Variants in SCUBE1 observed in about 807,000 individuals in gnomAD.
SCUBE1 encodes the protein signal peptide, CUB and EGF-like domain-containing protein 1.
A neutral mutation model predicts 124.4 loss-of-function variants in SCUBE1; 59 were observed. That is an observed-to-expected ratio of 0.47 (90% CI 0.38 to 0.59). The LOEUF is 0.59. SCUBE1 is among the 20% of genes least tolerant of loss of function. SCUBE1 has a pLI of 0.00. For synonymous variants in SCUBE1, 545 were observed against 550.9 expected, an observed-to-expected ratio of 0.99 and a Z score of 0.15; for missense variants, 1,150 against 1,371.2, an observed-to-expected ratio of 0.84 and a Z score of 2.55.
intron 2 of SCUBE1, among the ~76,000 whole-genome samples, chr22:43,337,411 T>G (rs1187634140): frequency 1.3e-5 from 2 of 152,208 alleles, no homozygotes; most frequent in African/African-American, 4.8e-5. Flanking sequence ...GCCCCGCCTT[T>G]CCGGGACACT....
At chr22:43,229,678 G>A (rs2146677380) in intron 8 of SCUBE1, among the ~76,000 whole-genome samples, 1 of 152,150 alleles carries the variant, frequency 6.6e-6, no homozygotes, top group South Asian at 2.1e-4. Context: ...AAACCACACA[G>A]GTAAAAAGAG....
intron 3 of SCUBE1, among the ~76,000 whole-genome samples, chr22:43,300,086 C>G (rs1925711723): frequency 6.6e-6 from 1 of 152,144 alleles, no homozygotes; most frequent in Admixed American, 6.5e-5. Flanking sequence ...CTGCTGAACA[C>G]TGTGTGTAAG....
At chr22:43,331,481 A>G (rs1926901207) in intron 2 of SCUBE1, among the ~76,000 whole-genome samples, 1 of 152,202 alleles carries the variant, frequency 6.6e-6, no homozygotes, top group South Asian at 2.1e-4. Context: ...AATTAAGTAC[A>G]CATAGAAGGG....
At chr22:43,233,181 G>C (rs1029246098) in intron 7 of SCUBE1, among the ~76,000 whole-genome samples, 1 of 152,138 alleles carries the variant, frequency 6.6e-6, no homozygotes, top group South Asian at 2.1e-4. Flanking sequence ...CCTGGCCAAC[G>C]CGGAGAAACC....
intron 10 of SCUBE1, among the ~76,000 whole-genome samples, chr22:43,223,559 T>C (rs1003532561): frequency 6.6e-6 from 1 of 152,140 alleles, no homozygotes; most frequent in African/African-American, 2.4e-5. Context: ...AAATGAACAC[T>C]GGCTTCCTGG....
chr22:43,257,260 CCT>C (rs963438012), intron 6 of SCUBE1, among the ~76,000 whole-genome samples: 1 of 152,148 alleles, frequency 6.6e-6, no homozygotes. Flanking sequence ...TGTCCTGTCC[CCT>C]GAGTCTCCCT....
intron 15 of SCUBE1, 38 bp from the exon 16 acceptor site, chr22:43,214,289 G>T (rs1332647800): frequency 1.9e-6 from 3 of 1,593,244 alleles, no homozygotes; most frequent in African/African-American, 2.7e-5. Context: ...GGAGGCAGAG[G>T]TGGGGAGGCC....
chr22:43,321,074 G>A (rs1926531927), intron 2 of SCUBE1, among the ~76,000 whole-genome samples: 1 of 152,220 alleles, frequency 6.6e-6, no homozygotes, highest in African/African-American at 2.4e-5. Context: ...AGAGAGGAGG[G>A]CCGGAAGTGT....
rs1491520197 is a variant in SCUBE1 at position 43,281,452 on chromosome 22, A to ACC, written c.484+9593_484+9594insGG. Among the ~76,000 whole-genome samples the ACC allele has an allele frequency of 7.9e-4, 37 of 46,940 alleles. 1 individual carries two copies. Among genetic ancestry groups the ACC allele is most frequent in the African/African-American group, 2.9e-3 (13 of 4,504 alleles). 30.8% of individuals were successfully genotyped at this position (46,940 alleles called of 152,430 possible). On this transcript the variant is annotated intron_variant, in intron 4 of 21. Transcript: ENST00000360835. ...CACCTCCCTTGGCCACCCTCCTGTC[A>ACC]TCTCCCTCAGCCACCCTCCTGTCAC...
At chr22:43,290,875 G>A (rs920730524) in intron 4 of SCUBE1, among the ~76,000 whole-genome samples, 171 bp downstream of exon 4, 4 of 152,212 alleles carry the variant, frequency 2.6e-5, no homozygotes, top group Non-Finnish European at 4.4e-5. Context: ...GAAGGAACTG[G>A]AAGGAGGCCC....
intron 3 of SCUBE1, among the ~76,000 whole-genome samples, chr22:43,299,807 C>A (rs1925699495): frequency 6.6e-6 from 1 of 152,192 alleles, no homozygotes; most frequent in Non-Finnish European, 1.5e-5. Context: ...CCCTTCGCCC[C>A]TGGAAACCAC....
chr22:43,288,823 G>T (rs1216927999), intron 4 of SCUBE1, among the ~76,000 whole-genome samples: 1 of 152,236 alleles, frequency 6.6e-6, no homozygotes, highest in East Asian at 1.9e-4. Flanking sequence ...GAGTGAGCTT[G>T]TCTTTGGGCA....
At chr22:43,225,640 G>C (rs567589293) in intron 10 of SCUBE1, among the ~76,000 whole-genome samples, 2 of 151,442 alleles carry the variant, frequency 1.3e-5, no homozygotes, top group South Asian at 4.2e-4. Flanking sequence ...GTGATCTGGT[G>C]ATCTGCCCAC....
chr22:43,243,918 C>T (rs144133046), intron 6 of SCUBE1, among the ~76,000 whole-genome samples: 4 of 152,328 alleles, frequency 2.6e-5, no homozygotes, highest in Non-Finnish European at 5.9e-5. Context: ...CAGGCAGTTG[C>T]TAATTCATTC....
At chr22:43,221,118 G>A (rs1332228104) in intron 13 of SCUBE1, 55 bp downstream of exon 13, 8 of 1,423,902 alleles carry the variant, frequency 5.6e-6, no homozygotes, top group Admixed American at 5.1e-5. Flanking sequence ...TCCCAGGCAT[G>A]AGGACTCTCC....
chr22:43,225,108 G>T (rs1922250400), intron 10 of SCUBE1, among the ~76,000 whole-genome samples: 1 of 152,086 alleles, frequency 6.6e-6, no homozygotes, highest in Non-Finnish European at 1.5e-5. Flanking sequence ...CTTGGCCTCA[G>T]TTTCCTCCCA....
intron 4 of SCUBE1, among the ~76,000 whole-genome samples, chr22:43,287,394 A>G (rs931319936): frequency 5.9e-5 from 9 of 152,238 alleles, no homozygotes; most frequent in African/African-American, 2.2e-4. Context: ...TTACAGCTGA[A>G]AAGGCCCAAG....
intron 2 of SCUBE1, among the ~76,000 whole-genome samples, chr22:43,334,333 CTG>C (rs1926994544): frequency 1.3e-5 from 2 of 152,204 alleles, no homozygotes; most frequent in Non-Finnish European, 2.9e-5. Flanking sequence ...ACACACCTGA[CTG>C]TTCACCTCTG....
rs550056682 is a variant in SCUBE1 at position 43,249,465 on chromosome 22, C to A, written c.727+8754G>T. Among the ~76,000 whole-genome samples, 3 of 152,256 alleles carry A rather than the reference C, an allele frequency of 2.0e-5. No individual in the cohort carries two copies. The East Asian group carries it at 5.8e-4, about 29-fold the overall frequency. On this transcript the variant is annotated intron_variant, in intron 6 of 21. Coordinates refer to ENST00000360835, the MANE Select transcript of SCUBE1 (RefSeq NM_173050.5). ...GGGACAGTGTGGGACACAGTGTGTG[C>A]CCCCTAAGTGTCAGCCACCATTTCC... is the stretch of plus-strand genomic sequence containing the variant.
Sources: allele counts gnomAD v4.1 joint callset (sites outside exome capture counted in the v4.1 genomes callset), GRCh38; gene constraint gnomAD v4.1.1; transcripts MANE v1.5; gene names NCBI Gene and HGNC (gene_info 2026-07-23, HGNC 2026-07-21).